The following ROBO1 variants were observed in gnomAD, a reference collection of about 807,000 sequenced individuals.
The protein encoded by ROBO1 is roundabout guidance receptor 1.
ROBO1 carries 149 observed loss-of-function variants against 195.9 expected under a neutral mutation model. That is an observed-to-expected ratio of 0.76 (90% CI 0.67 to 0.87). The LOEUF (loss-of-function observed/expected upper bound fraction) is 0.87, where lower values mean the gene tolerates loss of function less well. ROBO1 is among the 40% of genes least tolerant of loss of function. The pLI is 0.00. For missense variants in ROBO1, 1,933 were observed against 2,068.3 expected (o/e 0.93, Z 1.27); for synonymous variants, 816 against 733.2 (o/e 1.11, Z -1.82).
At chr3:78,649,525 C>G (rs1354506929) in intron 19 of ROBO1, among the ~76,000 whole-genome samples, 1 of 152,122 alleles carries the variant, frequency 6.6e-6, no homozygotes, top group Non-Finnish European at 1.5e-5. Flanking sequence ...AAGTTACACT[C>G]TGGCTTGATG....
chr3:78,679,033 A>G (rs2080816983), intron 10 of ROBO1, among the ~76,000 whole-genome samples: 4 of 152,220 alleles, frequency 2.6e-5, no homozygotes, highest in Admixed American at 2.6e-4. Context: ...ATGCAAATCA[A>G]TAAATGTAAT....
chr3:79,220,726 T>C (rs1253354704), intron 2 of ROBO1, among the ~76,000 whole-genome samples: 1 of 152,066 alleles, frequency 6.6e-6, no homozygotes, highest in African/African-American at 2.4e-5. Flanking sequence ...AAATAAATCA[T>C]GACATAAAAT....
intron 2 of ROBO1, among the ~76,000 whole-genome samples, chr3:79,459,309 A>G (rs2039722995): frequency 6.6e-6 from 1 of 152,152 alleles, no homozygotes; most frequent in African/African-American, 2.4e-5. Flanking sequence ...TGGTCACACA[A>G]AAAGTGCTAA....
intron 3 of ROBO1, among the ~76,000 whole-genome samples, chr3:78,971,299 G>A (rs2076759644): frequency 6.6e-6 from 1 of 152,150 alleles, no homozygotes; most frequent in Admixed American, 6.5e-5. Context: ...TGAGGCAGGA[G>A]GATCACCTAA....
intron 2 of ROBO1, among the ~76,000 whole-genome samples, chr3:79,178,620 C>T (rs569723413): frequency 1.3e-5 from 2 of 152,082 alleles, no homozygotes; most frequent in East Asian, 1.9e-4. Context: ...CAGAAAGGCA[C>T]GGAGCAGAAG....
At chr3:78,757,576 G>A (rs922339394) in intron 4 of ROBO1, among the ~76,000 whole-genome samples, 17 of 151,972 alleles carry the variant, frequency 1.1e-4, no homozygotes, top group African/African-American at 3.6e-4. Context: ...CAGTCTCAAG[G>A]GGGAAGAATC....
intron 2 of ROBO1, among the ~76,000 whole-genome samples, chr3:79,463,593 T>C (rs1937778528): frequency 6.6e-6 from 1 of 152,154 alleles, no homozygotes; most frequent in Non-Finnish European, 1.5e-5. Flanking sequence ...CAACTTTAGA[T>C]GGTAACTTTA....
At chr3:78,693,102 G>A (rs2081211351) in intron 8 of ROBO1, 1 of 425,934 alleles carries the variant, frequency 2.3e-6, no homozygotes, top group Admixed American at 4.0e-5. Context: ...ATAAAAGGAT[G>A]CAGATCACAC....
chr3:79,055,454 A>G (rs906577015), intron 3 of ROBO1, among the ~76,000 whole-genome samples: 3 of 152,020 alleles, frequency 2.0e-5, no homozygotes, highest in African/African-American at 4.8e-5. Flanking sequence ...TCCTCACTTA[A>G]ACATCCTGCT....
chr3:78,886,337 C>A (rs2036570181), intron 4 of ROBO1, among the ~76,000 whole-genome samples: 1 of 152,128 alleles, frequency 6.6e-6, no homozygotes, highest in Admixed American at 6.6e-5. Flanking sequence ...TGGCTCACAT[C>A]TGTAATCCCA....
At chr3:79,226,518 A>G (rs1371870722) in intron 2 of ROBO1, among the ~76,000 whole-genome samples, 1 of 150,986 alleles carries the variant, frequency 6.6e-6, no homozygotes, top group Admixed American at 6.6e-5. Context: ...GAATCCTTCA[A>G]CTTTCATTTC....
chr3:79,504,775 A>G (rs932782803), intron 2 of ROBO1, among the ~76,000 whole-genome samples: 2 of 152,206 alleles, frequency 1.3e-5, no homozygotes, highest in East Asian at 3.8e-4. Context: ...GCAGATATCC[A>G]TAACTGCAAC....
intron 17 of ROBO1, 72 bp from the exon 18 acceptor site, chr3:78,657,341 C>A: frequency 1.3e-6 from 2 of 1,491,462 alleles, no homozygotes; most frequent in Non-Finnish European, 1.8e-6. Context: ...CACAGGGTTG[C>A]AGTTTTAGAC....
At chr3:79,117,099 A>T (rs1444123391) in intron 3 of ROBO1, among the ~76,000 whole-genome samples, 2 of 151,996 alleles carry the variant, frequency 1.3e-5, no homozygotes, top group African/African-American at 4.8e-5. Flanking sequence ...GGATAAATAA[A>T]AGAGCAGAAG....
At chr3:79,497,443 T>C (rs536445673) in intron 2 of ROBO1, among the ~76,000 whole-genome samples, 1 of 152,342 alleles carries the variant, frequency 6.6e-6, no homozygotes, top group African/African-American at 2.4e-5. Context: ...TTTTGTGTTT[T>C]GTCTTCTTGT....
At chr3:79,760,281 A>G (rs1400153919) in intron 1 of ROBO1, among the ~76,000 whole-genome samples, 1 of 145,902 alleles carries the variant, frequency 6.9e-6, no homozygotes, top group Non-Finnish European at 1.5e-5. Flanking sequence ...AGCACAAGTG[A>G]AAAATTTTCA....
rs555150815 is a variant in ROBO1 at position 79,392,154 on chromosome 3, A to T, written c.88+197670T>A. On this transcript the variant is annotated intron_variant, in intron 2 of 30. Transcript: ENST00000464233. ...GGAAGGGATCCTCTGAGAATGTGTCAGAGAAGCAACCACGGAATGGACATT... is the reference window on the plus strand; with the variant it reads ...GGAAGGGATCCTCTGAGAATGTGTCTGAGAAGCAACCACGGAATGGACATT... Among the ~76,000 whole-genome samples the T allele has an allele frequency of 2.0e-5, 3 of 152,346 alleles. No individual in the cohort carries two copies. In the East Asian group the frequency reaches 5.8e-4, roughly 29 times the overall value.
At chr3:79,395,882 T>C (rs1168001771) in intron 2 of ROBO1, among the ~76,000 whole-genome samples, 1 of 152,084 alleles carries the variant, frequency 6.6e-6, no homozygotes, top group Non-Finnish European at 1.5e-5. Context: ...AAATATATTA[T>C]GATTAACATA....
At chr3:79,260,546 T>C (rs2082920867) in intron 2 of ROBO1, among the ~76,000 whole-genome samples, 1 of 152,200 alleles carries the variant, frequency 6.6e-6, no homozygotes, top group Non-Finnish European at 1.5e-5. Flanking sequence ...TTCTTCTCAC[T>C]ACAAGTTTTA....
Sources: allele counts gnomAD v4.1 joint callset (sites outside exome capture counted in the v4.1 genomes callset), GRCh38; gene constraint gnomAD v4.1.1; transcripts MANE v1.5; gene names NCBI Gene and HGNC (gene_info 2026-07-23, HGNC 2026-07-21).